The following MYT1L variants were observed in gnomAD, a reference collection of about 807,000 sequenced individuals.
The protein encoded by MYT1L is myelin transcription factor 1 like, also known as myelin transcription factor 1-like protein.
In MYT1L, 12 loss-of-function variants were observed where a neutral mutation model predicts 126.7. That is an observed-to-expected ratio of 0.09 (90% CI 0.06 to 0.15). MYT1L has a LOEUF of 0.15. Ranked by LOEUF, MYT1L falls within the 10% of genes least tolerant of loss-of-function variation. The pLI is 1.00. For synonymous variants in MYT1L, 541 were observed against 604.2 expected (o/e 0.90, Z 1.53); for missense variants, 979 against 1,585.2 (o/e 0.62, Z 6.49).
At chr2:1,826,403 G>A (rs2148210065) in intron 21 of MYT1L, among the ~76,000 whole-genome samples, 1 of 152,278 alleles carries the variant, frequency 6.6e-6, no homozygotes, top group South Asian at 2.1e-4. Context: ...CTTCAGGAGG[G>A]AATCTTCCTG....
At chr2:2,134,185 C>T (rs982314662) in intron 3 of MYT1L, among the ~76,000 whole-genome samples, 1 of 152,162 alleles carries the variant, frequency 6.6e-6, no homozygotes, top group Non-Finnish European at 1.5e-5. Context: ...CATGCTGGCA[C>T]CCCTGGGAGT....
intron 2 of MYT1L, among the ~76,000 whole-genome samples, chr2:2,253,998 C>T (rs2094735951): frequency 6.6e-6 from 1 of 152,088 alleles, no homozygotes; most frequent in South Asian, 2.1e-4. Context: ...CATATATGCA[C>T]CCCCAGCACA....
intron 3 of MYT1L, among the ~76,000 whole-genome samples, chr2:2,068,616 A>C: frequency 6.6e-6 from 1 of 152,162 alleles, no homozygotes; most frequent in East Asian, 1.9e-4. Context: ...CCTTAAGGAA[A>C]ATATCTGAAA....
At chr2:2,033,645 C>T (rs570528784) in intron 4 of MYT1L, among the ~76,000 whole-genome samples, 35 of 152,240 alleles carry the variant, frequency 2.3e-4, no homozygotes, top group African/African-American at 8.2e-4. Context: ...ACCTTGCTCA[C>T]GAAATTTGAT....
intron 1 of MYT1L, among the ~76,000 whole-genome samples, chr2:2,285,140 G>A (rs1039239878): frequency 5.9e-5 from 9 of 152,348 alleles, no homozygotes; most frequent in Middle Eastern, 3.4e-3. Flanking sequence ...CTAACCCGGG[G>A]AGATGAGCTG....
At chr2:2,146,631 G>A (rs1450365216) in intron 3 of MYT1L, among the ~76,000 whole-genome samples, 2 of 152,190 alleles carry the variant, frequency 1.3e-5, no homozygotes, top group African/African-American at 4.8e-5. Flanking sequence ...GGCTTGTTCA[G>A]GAGCTATTGT....
intron 1 of MYT1L, among the ~76,000 whole-genome samples, chr2:2,321,273 C>G (rs554969176): frequency 6.6e-6 from 1 of 152,186 alleles, no homozygotes; most frequent in African/African-American, 2.4e-5. Context: ...GGTCCACCGG[C>G]AGATGCGGCA....
chr2:2,303,280 G>A (rs866273724), intron 1 of MYT1L, among the ~76,000 whole-genome samples: 4 of 152,150 alleles, frequency 2.6e-5, no homozygotes, highest in East Asian at 1.9e-4. Flanking sequence ...CGGCATGCTC[G>A]GCTTGGCGGG....
chr2:2,112,246 T>C (rs2079557458), intron 3 of MYT1L, among the ~76,000 whole-genome samples: 1 of 152,204 alleles, frequency 6.6e-6, no homozygotes, highest in Non-Finnish European at 1.5e-5. Flanking sequence ...CACAGCAGGC[T>C]TCTGTGACCA....
intron 9 of MYT1L, among the ~76,000 whole-genome samples, chr2:1,941,314 G>A (rs2056617901): frequency 6.6e-6 from 1 of 152,192 alleles, no homozygotes; most frequent in Non-Finnish European, 1.5e-5. Context: ...CTTTCCAAAC[G>A]GGTGAGAACG....
chr2:2,139,067 G>A (rs2083525207), intron 3 of MYT1L, among the ~76,000 whole-genome samples: 1 of 151,512 alleles, frequency 6.6e-6, no homozygotes, highest in Admixed American at 6.6e-5. Context: ...CCTGTATTAG[G>A]TGCCAGAATA....
chr2:1,993,275 A>G (rs375431695), intron 5 of MYT1L, among the ~76,000 whole-genome samples: 2 of 152,162 alleles, frequency 1.3e-5, no homozygotes, highest in African/African-American at 4.8e-5. Flanking sequence ...TTGAAGTACA[A>G]ACAGGCACAC....
At chr2:2,182,069 C>T (rs974795007) in intron 2 of MYT1L, among the ~76,000 whole-genome samples, 14 of 152,090 alleles carry the variant, frequency 9.2e-5, no homozygotes, top group African/African-American at 3.4e-4. Context: ...GAATGGCATG[C>T]CCCACTCTGA....
At chr2:2,178,538 C>T (rs1485355942) in intron 2 of MYT1L, among the ~76,000 whole-genome samples, 1 of 152,160 alleles carries the variant, frequency 6.6e-6, no homozygotes, top group African/African-American at 2.4e-5. Context: ...GTCTGGTACC[C>T]TCGCCCTCCT....
At chr2:1,905,996 C>T (rs1224184640) in intron 13 of MYT1L, among the ~76,000 whole-genome samples, 1 of 152,204 alleles carries the variant, frequency 6.6e-6, no homozygotes, top group Admixed American at 6.5e-5. Flanking sequence ...ACACCAAAAT[C>T]ATCTATACTT....
At chr2:2,071,746 C>T (rs2074625845) in intron 3 of MYT1L, among the ~76,000 whole-genome samples, 1 of 152,112 alleles carries the variant, frequency 6.6e-6, no homozygotes, top group Non-Finnish European at 1.5e-5. Flanking sequence ...TTGAAAATCA[C>T]TTTGGCTGGA....
intron 2 of MYT1L, among the ~76,000 whole-genome samples, chr2:2,177,301 G>A (rs1385009839): frequency 2.6e-5 from 4 of 152,172 alleles, no homozygotes; most frequent in Non-Finnish European, 5.9e-5. Context: ...TGCATAAAAT[G>A]TTTCAATGCA....
intron 23 of MYT1L, among the ~76,000 whole-genome samples, chr2:1,797,722 A>G (rs547582630): frequency 1.3e-5 from 2 of 152,378 alleles, no homozygotes; most frequent in African/African-American, 4.8e-5. Context: ...GTTTGTCCTA[A>G]TTTGAATTCT....
intron 19 of MYT1L, among the ~76,000 whole-genome samples, chr2:1,845,092 C>T (rs2042322403): frequency 6.6e-6 from 1 of 152,058 alleles, no homozygotes; most frequent in Admixed American, 6.5e-5. Context: ...GATTCTCCTG[C>T]CTCGGCCTCC....
Sources: allele counts gnomAD v4.1 joint callset (sites outside exome capture counted in the v4.1 genomes callset), GRCh38; gene constraint gnomAD v4.1.1; transcripts MANE v1.5; gene names NCBI Gene and HGNC (gene_info 2026-07-23, HGNC 2026-07-21).